The following DHPS variants were observed in gnomAD, a reference collection of about 807,000 sequenced individuals.
DHPS encodes the protein migration-inducing gene 13.
Under a neutral mutation model 38.7 loss-of-function variants are expected in DHPS, and 24 were observed. The ratio of observed to expected loss-of-function variants is 0.62; its 90% confidence interval spans 0.45 to 0.87. The LOEUF is 0.87. Among genes scored for constraint, DHPS ranks in the 40% least tolerant of loss-of-function variants. The probability of loss-of-function intolerance (pLI) is 0.00; values close to 1 mark genes in which losing one functional copy is unlikely to be tolerated. For synonymous variants in DHPS, 250 were observed against 204.4 expected (o/e 1.22, Z -1.90); for missense variants, 510 against 497.6 (o/e 1.02, Z -0.24).
intron 7 of DHPS, chr19:12,676,607 G>A (rs1031391576): frequency 4.5e-6 from 1 of 222,964 alleles, no homozygotes; most frequent in Non-Finnish European, 9.2e-6. Flanking sequence ...ACAGGGCCCA[G>A]CAGGCTCCCT....
chr19:12,681,415 G>T, intron 1 of DHPS, 145 bp downstream of exon 1: 1 of 1,115,214 alleles, frequency 9.0e-7, no homozygotes, highest in Non-Finnish European at 1.3e-6. Flanking sequence ...CTCCCGCCCA[G>T]AATAGGTCCC....
intron 7 of DHPS, chr19:12,676,836 C>G: frequency 2.0e-6 from 1 of 490,010 alleles, no homozygotes; most frequent in South Asian, 2.1e-5. Context: ...CTCCCCAAAC[C>G]CCTGCTCCCA....
rs752294892 is a variant in DHPS, at chr19:12,681,693, G to A, written c.74C>T (p.Pro25Leu). The A allele has an allele frequency of 5.2e-5, 84 of 1,614,088 alleles. No individual in the cohort carries two copies. The Middle Eastern group carries it at 6.6e-4, about 13-fold the overall frequency. ...AAVLKHSSTLPPESTQVRGYD... is the reference protein window; with the variant it reads ...AAVLKHSSTLLPESTQVRGYD... ...GCCCCGGACCTGGGTGCTTTCGGGC[G>A]GCAACGTCGAGCTGTGCTTTAGCAC... Residue 25 changes from proline (P) to leucine (L), a missense_variant, in exon 1 of 9, where the codon CCG becomes CTG. Physicochemically the swap from Pro to Leu is moderately conservative, Grantham distance 98. Coordinates refer to ENST00000210060, the MANE Select transcript of DHPS (RefSeq NM_001930.4).
At chr19:12,673,197 C>CTTAG, downstream of DHPS, 1 of 1,614,062 alleles carries the variant, frequency 6.2e-7, no homozygotes, top group Non-Finnish European at 8.5e-7. Flanking sequence ...CCTGTCCACC[C>CTTAG]TTAGGTACAA....
chr19:12,675,603 G>C (rs113799121), downstream of DHPS: 74 of 1,604,768 alleles, frequency 4.6e-5, no homozygotes, highest in African/African-American at 7.2e-4. Flanking sequence ...CCTGCCTGCT[G>C]ACCGCCATGG....
At chr19:12,674,395 C>G (rs1266309746), downstream of DHPS, among the ~76,000 whole-genome samples, 2 of 152,180 alleles carry the variant, frequency 1.3e-5, no homozygotes, top group African/African-American at 4.8e-5. Context: ...AAGGAGACAT[C>G]AGCGCTGGGC....
In DHPS at chr19:12,681,676, C is replaced by G. The variant is rs1280353365; in HGVS notation, c.91G>C (p.Val31Leu). 12 of 1,614,080 alleles carry G rather than the reference C, an allele frequency of 7.4e-6. No homozygotes were observed. Among genetic ancestry groups the G allele is most frequent in the Non-Finnish European group, 1.0e-5 (12 of 1,180,048 alleles). The change falls in exon 1 of 9, where the codon GTC becomes CTC. Residue 31 changes from valine (V) to leucine (L), a missense_variant. Val to Leu is a conservative substitution (Grantham distance 32). Transcript: ENST00000210060. ...CCGCGGTTGAAGTCGTAGCCCCGGA[C>G]CTGGGTGCTTTCGGGCGGCAACGTC... Reference protein sequence around the residue: ...SSTLPPESTQVRGYDFNRGVN... With the variant: ...SSTLPPESTQLRGYDFNRGVN...
chr19:12,681,214 A>G, intron 1 of DHPS: 1 of 1,231,982 alleles, frequency 8.1e-7, no homozygotes, highest in Non-Finnish European at 1.0e-6. Flanking sequence ...TCTAAATTCA[A>G]GAACCGCCCA....
intron 5 of DHPS, among the ~76,000 whole-genome samples, chr19:12,678,503 C>T (rs943923455): frequency 2.6e-5 from 4 of 151,854 alleles, no homozygotes; most frequent in Non-Finnish European, 4.4e-5. Context: ...GGTGTGGTGG[C>T]TCACCCCTGT....
At chr19:12,672,663 G>A (rs1443928096), downstream of DHPS, 4 of 628,188 alleles carry the variant, frequency 6.4e-6, no homozygotes, top group Admixed American at 1.0e-4. Context: ...TGGAAAGGGG[G>A]TGTGGGTCTT....
At chr19:12,674,771 T>C (rs2024521234), downstream of DHPS, among the ~76,000 whole-genome samples, 1 of 151,994 alleles carries the variant, frequency 6.6e-6, no homozygotes, top group Non-Finnish European at 1.5e-5. Flanking sequence ...CTGGACATGG[T>C]CTAGAAGCAG....
rs1305404211 is a variant in DHPS, at chr19:12,681,832, G to A, written c.-66C>T. 2.1e-6 allele frequency: 3 copies of A among 1,410,654 alleles called. No individual in the cohort carries two copies. Among genetic ancestry groups the A allele is most frequent in the Admixed American group, 3.8e-5 (2 of 52,700 alleles). The allele number at this position is 1,410,654 out of a possible 1,614,324, so 87.4% of individuals were successfully genotyped here. On this transcript the variant is annotated 5_prime_UTR_variant, in exon 1 of 9. In the 5' UTR this introduces an upstream ATG that the reference lacks. Coordinates refer to ENST00000210060, the MANE Select transcript of DHPS (RefSeq NM_001930.4). ...CGGGCTTACGGCGGCCCAGAAACGC[G>A]TTAAACCCCGACGCGCGCGTCTCCG...
At chr19:12,681,212 C>G (rs1200962168) in intron 1 of DHPS, 1 of 1,231,466 alleles carries the variant, frequency 8.1e-7, no homozygotes, top group African/African-American at 1.6e-5. Flanking sequence ...AATCTAAATT[C>G]AAGAACCGCC....
Position 12,679,465 on chromosome 19 carries a change from C to A in DHPS, c.670G>T (p.Ala224Ser), listed in dbSNP as rs575896014. Reference protein sequence around the residue: ...INNPESVYYWAQKNHIPVFSP... With the variant: ...INNPESVYYWSQKNHIPVFSP... ...CCCGCTTAGGTCCTCACCTTCTGGG[C>A]CCAGTAATACACGGACTCTGGGTTG... The change falls in exon 5 of 9, where the codon GCC becomes TCC. Residue 224 changes from alanine (A) to serine (S), a missense_variant. Physicochemically the swap from Ala to Ser is moderately conservative, Grantham distance 99 (BLOSUM62 1). Coordinates refer to ENST00000210060, the MANE Select transcript of DHPS (RefSeq NM_001930.4). The A allele has an allele frequency of 6.2e-7, 1 of 1,614,176 alleles. No individual in the cohort carries two copies. Among genetic ancestry groups the A allele is most frequent in the South Asian group, 1.1e-5 (1 of 91,088 alleles).
At chr19:12,673,649 C>T (rs2024487412), downstream of DHPS, among the ~76,000 whole-genome samples, 1 of 151,960 alleles carries the variant, frequency 6.6e-6, no homozygotes, top group Non-Finnish European at 1.5e-5. Context: ...AACTCCTGAC[C>T]TCATGATCCA....
Position 12,675,772 on chromosome 19 carries a change from G to C in DHPS, c.*66C>G. On this transcript the variant is annotated 3_prime_UTR_variant, in exon 9 of 9. Transcript: ENST00000210060. ...GAGACGTAGCTGACCAAAAAGTAGG[G>C]GAGGGGCTGGGTCTGCAAATTAATA... 6.4e-7 allele frequency: 1 copy of C among 1,566,200 alleles called. No individual in the cohort carries two copies. Among genetic ancestry groups the C allele is most frequent in the Non-Finnish European group, 8.7e-7 (1 of 1,154,242 alleles).
chr19:12,681,769 G>A lies in DHPS; in HGVS notation c.-3C>T, dbSNP rs1357452835. 5.0e-6 allele frequency: 8 copies of A among 1,605,478 alleles called. No homozygotes were observed. The Admixed American group carries it at 6.7e-5, about 13-fold the overall frequency. ...TCCCGTTCCAGGGAACCTTCCATGC[G>A]CCTATAGCCGGCTCTCGAGTCAAAG... On this transcript the variant is annotated 5_prime_UTR_variant, in exon 1 of 9. Transcript: ENST00000210060.
chr19:12,674,369 C>T (rs972670885), downstream of DHPS, among the ~76,000 whole-genome samples: 14 of 152,068 alleles, frequency 9.2e-5, no homozygotes, highest in African/African-American at 2.4e-4. Flanking sequence ...GGGTCAGAGC[C>T]GGGGGAATCT....
chr19:12,681,534 C>A (rs567932605), intron 1 of DHPS, 26 bp downstream of exon 1: 2 of 1,613,614 alleles, frequency 1.2e-6, no homozygotes, highest in South Asian at 2.2e-5. Flanking sequence ...CCCTCCGCGT[C>A]CCTAGAAATT....
Sources: allele counts gnomAD v4.1 joint callset (sites outside exome capture counted in the v4.1 genomes callset), GRCh38; gene constraint gnomAD v4.1.1; transcripts MANE v1.5; gene names NCBI Gene and HGNC (gene_info 2026-07-23, HGNC 2026-07-21).